Variants in DACH2 observed in about 807,000 individuals in gnomAD.
DACH2 encodes dachshund homolog 2.
A neutral mutation model predicts 35.8 loss-of-function variants in DACH2; 17 were observed. The observed-to-expected ratio is 0.48, with a 90% CI of 0.33 to 0.71. The LOEUF (loss-of-function observed/expected upper bound fraction) is 0.71. Among genes scored for constraint, DACH2 ranks in the 30% least tolerant of loss-of-function variants. The probability of loss-of-function intolerance (pLI) is 0.02; values close to 1 mark genes in which losing one functional copy is unlikely to be tolerated. For missense variants in DACH2, 469 were observed against 472.7 expected, an observed-to-expected ratio of 0.99 and a Z score of 0.07; for synonymous variants, 195 against 177.3, an observed-to-expected ratio of 1.10 and a Z score of -0.79.
chrX:86,657,406 T>G (rs934119620), intron 4 of DACH2, among the ~76,000 whole-genome samples: 1 of 111,151 alleles, frequency 9.0e-6, no homozygotes, highest in African/African-American at 3.3e-5. Flanking sequence ...CCTAGTTAGA[T>G]CCACAAATAT....
At chrX:86,616,279 C>A (rs1476509202) in intron 3 of DACH2, among the ~76,000 whole-genome samples, 3 of 111,713 alleles carry the variant, frequency 2.7e-5, no homozygotes, top group African/African-American at 9.8e-5. Flanking sequence ...TTCCTTTGGG[C>A]ATGTACCCAG....
At chrX:86,386,287 G>T (rs748418549) in intron 2 of DACH2, among the ~76,000 whole-genome samples, 17 of 111,070 alleles carry the variant, frequency 1.5e-4, no homozygotes, top group South Asian at 3.8e-4. Context: ...ATGTGTTTTT[G>T]GGGGAAAGAC....
chrX:86,228,383 T>C (rs2032872758), intron 1 of DACH2, among the ~76,000 whole-genome samples: 1 of 109,706 alleles, frequency 9.1e-6, no homozygotes, highest in Admixed American at 9.8e-5. Context: ...TTGTGAATTG[T>C]GCTGCAGTAA....
At chrX:86,569,547 T>A (rs1036297350) in intron 3 of DACH2, among the ~76,000 whole-genome samples, 2 of 111,286 alleles carry the variant, frequency 1.8e-5, no homozygotes, top group African/African-American at 6.5e-5. Context: ...GGTCCCTACG[T>A]GTCCAAAATG....
intron 7 of DACH2, among the ~76,000 whole-genome samples, chrX:86,749,550 T>C (rs188618965): frequency 1.1e-3 from 119 of 111,336 alleles, no homozygotes; most frequent in Admixed American, 0.01. Context: ...CGTTTGCCAT[T>C]GTATATAGGA....
At chrX:86,562,636 C>G (rs1437166143) in intron 3 of DACH2, among the ~76,000 whole-genome samples, 1 of 111,524 alleles carries the variant, frequency 9.0e-6, no homozygotes, top group Non-Finnish European at 1.9e-5. Flanking sequence ...TGTGTGCATA[C>G]AGATATTTTG....
At chrX:86,571,822 A>T (rs1027862331) in intron 3 of DACH2, among the ~76,000 whole-genome samples, 5 of 111,149 alleles carry the variant, frequency 4.5e-5, no homozygotes, top group Non-Finnish European at 9.4e-5. Context: ...ATCATATCAA[A>T]TAAATAGATC....
chrX:86,675,453 G>A (rs2040815097), intron 4 of DACH2, among the ~76,000 whole-genome samples: 1 of 111,884 alleles, frequency 8.9e-6, no homozygotes, highest in African/African-American at 3.2e-5. Flanking sequence ...ACGAAGTCGA[G>A]GCAGGTGGAT....
At chrX:86,790,120 C>G (rs933976177) in intron 7 of DACH2, among the ~76,000 whole-genome samples, 5 of 111,773 alleles carry the variant, frequency 4.5e-5, no homozygotes, top group Admixed American at 1.9e-4. Flanking sequence ...CATGTATGCA[C>G]ACACACAGAG....
At chrX:86,530,579 T>G (rs1419941605) in intron 3 of DACH2, among the ~76,000 whole-genome samples, 1 of 111,993 alleles carries the variant, frequency 8.9e-6, no homozygotes. Context: ...TTTCCTGAAG[T>G]CTCTCCATCC....
At chrX:86,254,647 C>T (rs1326836431) in intron 1 of DACH2, among the ~76,000 whole-genome samples, 1 of 71,061 alleles carries the variant, frequency 1.4e-5, no homozygotes, top group Admixed American at 1.7e-4. Context: ...GAAAATGAAG[C>T]TTGTCTACTT....
At chrX:86,313,971 C>T (rs1161159213) in intron 1 of DACH2, among the ~76,000 whole-genome samples, 1 of 111,569 alleles carries the variant, frequency 9.0e-6, no homozygotes, top group Non-Finnish European at 1.9e-5. Flanking sequence ...GATCTGTGAT[C>T]AGTGATCTTT....
At chrX:86,824,171 C>T (rs893560473) in intron 11 of DACH2, among the ~76,000 whole-genome samples, 2 of 110,621 alleles carry the variant, frequency 1.8e-5, no homozygotes, top group Admixed American at 9.7e-5. Flanking sequence ...TTATCTCAAC[C>T]GCATAAGACG....
chrX:86,543,842 G>T (rs1317665408), intron 3 of DACH2, among the ~76,000 whole-genome samples: 1 of 75,564 alleles, frequency 1.3e-5, no homozygotes, highest in Non-Finnish European at 2.5e-5. Flanking sequence ...TTGTGGGGTG[G>T]GGGGAGGGGG....
chrX:86,242,172 C>T (rs960912914), intron 1 of DACH2, among the ~76,000 whole-genome samples: 2 of 112,193 alleles, frequency 1.8e-5, no homozygotes, highest in African/African-American at 6.5e-5. Flanking sequence ...ACAGCTTGCA[C>T]CATATATCTG....
intron 1 of DACH2, among the ~76,000 whole-genome samples, chrX:86,202,862 C>T (rs1325258056): frequency 3.6e-5 from 4 of 111,242 alleles, no homozygotes; most frequent in African/African-American, 1.3e-4. Context: ...ACATTTTCAG[C>T]TCTTGTGACT....
intron 1 of DACH2, among the ~76,000 whole-genome samples, chrX:86,205,261 A>G (rs2032255210): frequency 9.0e-6 from 1 of 111,408 alleles, no homozygotes; most frequent in Admixed American, 9.5e-5. Context: ...TCTATAAAGT[A>G]TATTTCTCCA....
intron 4 of DACH2, among the ~76,000 whole-genome samples, chrX:86,691,503 A>C (rs2041009805): frequency 9.0e-6 from 1 of 111,650 alleles, no homozygotes; most frequent in East Asian, 2.8e-4. Flanking sequence ...AAAAATTAAA[A>C]ATAATAACAA....
intron 2 of DACH2, among the ~76,000 whole-genome samples, chrX:86,462,313 C>A (rs2037588516): frequency 9.0e-6 from 1 of 111,371 alleles, no homozygotes; most frequent in Non-Finnish European, 1.9e-5. Context: ...GGCTAGAGCA[C>A]ATTCCTTCCT....
Sources: gnomAD v4.1 joint callset for allele counts (sites outside exome capture counted in the v4.1 genomes callset) on GRCh38, gnomAD v4.1.1 for gene constraint, MANE v1.5 for transcripts, NCBI Gene and HGNC (gene_info 2026-07-23, HGNC 2026-07-21) for gene names.